The following ETNK1 variants were observed in gnomAD, a reference collection of about 807,000 sequenced individuals.
ETNK1 encodes ethanolamine kinase 1.
Under a neutral mutation model 45.1 loss-of-function variants are expected in ETNK1, and 8 were observed. That is an observed-to-expected ratio of 0.18 (90% CI 0.10 to 0.32). ETNK1 has a LOEUF of 0.32. ETNK1 is among the 10% of genes least tolerant of loss of function. ETNK1 has a pLI of 1.00. For missense variants in ETNK1, 302 were observed against 430.6 expected (o/e 0.70, Z 2.64); for synonymous variants, 152 against 151.9 (o/e 1.00, Z -0.01).
chr12:22,649,448 T>C (rs1459528265), intron 2 of ETNK1, among the ~76,000 whole-genome samples: 1 of 152,112 alleles, frequency 6.6e-6, no homozygotes, highest in Non-Finnish European at 1.5e-5. Flanking sequence ...GTCCAGTTGT[T>C]CAGCACAATT....
At chr12:22,656,672 G>C in intron 2 of ETNK1, 1 of 985,274 alleles carries the variant, frequency 1.0e-6, no homozygotes, top group Non-Finnish European at 1.2e-6. Context: ...GTTCCAGCAC[G>C]TGTGTCCCCT....
At chr12:22,631,529 A>C (rs1451059657) in intron 1 of ETNK1, among the ~76,000 whole-genome samples, 1 of 152,226 alleles carries the variant, frequency 6.6e-6, no homozygotes, top group Non-Finnish European at 1.5e-5. Flanking sequence ...GTCTATGTAC[A>C]TATTATATCA....
intron 4 of ETNK1, among the ~76,000 whole-genome samples, chr12:22,664,435 G>A (rs1267608583): frequency 1.3e-5 from 2 of 151,980 alleles, no homozygotes; most frequent in African/African-American, 4.8e-5. Flanking sequence ...GAATTAAAAT[G>A]TGTATGTATA....
intron 1 of ETNK1, 120 bp downstream of exon 1, chr12:22,625,706 T>A: frequency 7.1e-7 from 1 of 1,403,574 alleles, no homozygotes; most frequent in Non-Finnish European, 9.7e-7. Flanking sequence ...TCTCCTTAAG[T>A]CTATTGGGAA....
At chr12:22,662,177 C>T (rs765069657) in intron 4 of ETNK1, among the ~76,000 whole-genome samples, 97 of 149,548 alleles carry the variant, frequency 6.5e-4, no homozygotes, top group Non-Finnish European at 1.1e-3. Flanking sequence ...AAGTGATTCT[C>T]CTGCCTCAGC....
intron 2 of ETNK1, among the ~76,000 whole-genome samples, chr12:22,657,918 A>G (rs1223336685): frequency 2.0e-5 from 3 of 152,210 alleles, no homozygotes; most frequent in Non-Finnish European, 4.4e-5. Context: ...ACATAATAAT[A>G]AAAATGTGTT....
At chr12:22,639,547 G>C (rs1953706931) in intron 1 of ETNK1, among the ~76,000 whole-genome samples, 2 of 151,980 alleles carry the variant, frequency 1.3e-5, no homozygotes, top group Admixed American at 6.6e-5. Flanking sequence ...CATAGTGGCA[G>C]GCACCTGTAA....
intron 2 of ETNK1, among the ~76,000 whole-genome samples, chr12:22,658,131 G>A (rs1004980003): frequency 4.3e-5 from 6 of 138,910 alleles, no homozygotes; most frequent in Non-Finnish European, 5.9e-5. Flanking sequence ...ATGCTAACAA[G>A]AACTAGGTAG....
Position 22,626,043 on chromosome 12 carries a change from T to A in ETNK1, c.156+457T>A. The A allele has an allele frequency of 8.2e-6, 3 of 367,912 alleles. 1 individual carries two copies. Among genetic ancestry groups the A allele is most frequent in the South Asian group, 6.1e-5 (3 of 49,224 alleles). The allele number at this position is 367,912 out of a possible 1,614,324, so 22.8% of individuals were successfully genotyped here. On this transcript the variant is annotated intron_variant, in intron 1 of 7. Transcript: ENST00000266517. ...ATGTGCTTTCATTGATGCCTCACAC[T>A]GCGTTTTGTCTTCCCAAACCCTAGC... is the stretch of plus-strand genomic sequence containing the variant.
intron 1 of ETNK1, among the ~76,000 whole-genome samples, chr12:22,632,476 A>G (rs1466440533): frequency 1.3e-5 from 2 of 151,928 alleles, no homozygotes; most frequent in Non-Finnish European, 2.9e-5. Context: ...GTTAAACATA[A>G]TGTGACTTAG....
At chr12:22,648,922 A>G (rs147762846) in intron 2 of ETNK1, among the ~76,000 whole-genome samples, 1 of 152,016 alleles carries the variant, frequency 6.6e-6, no homozygotes, top group East Asian at 1.9e-4. Flanking sequence ...ATTCTAATAG[A>G]TATATAGTGG....
chr12:22,664,699 CT>C (rs1320178955), intron 4 of ETNK1, among the ~76,000 whole-genome samples: 1 of 152,012 alleles, frequency 6.6e-6, no homozygotes, highest in Non-Finnish European at 1.5e-5. Flanking sequence ...CATGTTGAGT[CT>C]TTTGAGATTA....
rs3983448 is a variant in ETNK1 at position 22,686,851 on chromosome 12, ATTTTTTTTTT to A, written c.*1916_*1925del. The A allele has an allele frequency of 3.2e-4, 22 of 69,268 alleles. No individual in the cohort carries two copies. The highest frequency in any genetic ancestry group is 7.6e-4 in the African/African-American group (13 of 17,098). The allele number at this position is 69,268 out of a possible 1,614,324, so 4.3% of individuals were successfully genotyped here. On this transcript the variant is annotated 3_prime_UTR_variant, in exon 8 of 8. Coordinates refer to ENST00000266517, the MANE Select transcript of ETNK1 (RefSeq NM_018638.5). ...AGATAAAGAATGTGTAATACTCTTA[ATTTTTTTTTT>A]TTTTTTTTTTTTTTTTTTGCTTTCT...
At chr12:22,642,271 T>G (rs1176015772) in intron 1 of ETNK1, among the ~76,000 whole-genome samples, 1 of 152,060 alleles carries the variant, frequency 6.6e-6, no homozygotes, top group Non-Finnish European at 1.5e-5. Flanking sequence ...CAGAACAGCA[T>G]GTGTGAATTG....
At chr12:22,657,289 T>C (rs1225499348) in intron 2 of ETNK1, among the ~76,000 whole-genome samples, 1 of 151,976 alleles carries the variant, frequency 6.6e-6, no homozygotes, top group African/African-American at 2.4e-5. Flanking sequence ...AAAGTACACA[T>C]ATATAAAAAG....
intron 4 of ETNK1, among the ~76,000 whole-genome samples, chr12:22,665,848 A>G (rs942462397): frequency 6.6e-6 from 1 of 152,140 alleles, no homozygotes; most frequent in South Asian, 2.1e-4. Context: ...GTAGGTAGTT[A>G]TAGGACTTAA....
chr12:22,689,195 GAAGACCT>G lies in ETNK1; in HGVS notation c.*4242_*4248del, dbSNP rs1324975104. 1 of 151,936 alleles carries G rather than the reference GAAGACCT, an allele frequency of 6.6e-6. No homozygotes were observed. Among genetic ancestry groups the G allele is most frequent in the African/African-American group, 2.4e-5 (1 of 41,440 alleles). 9.4% of individuals were successfully genotyped at this position (151,936 alleles called of 1,614,324 possible). On this transcript the variant is annotated 3_prime_UTR_variant, in exon 8 of 8. Transcript: ENST00000266517. ...TCTGGATTGCAGTTTGAAATGGAAT[GAAGACCT>G]GAATTATTTGGGTAGAAAAAATTAT...
At position 22,633,353 on chromosome 12, in the gene ETNK1, G is replaced by T. The variant is rs146196171; in HGVS notation, c.156+7767G>T. On this transcript the variant is annotated intron_variant, in intron 1 of 7. Transcript: ENST00000266517. ...CAAAGTGCTGGGATTACAGGCGCAA[G>T]CCACCGCACCCGGCCTGTTCTTTTC... Among the ~76,000 whole-genome samples the T allele has an allele frequency of 1.0e-3, 152 of 152,342 alleles. 3 individuals carry two copies. Among genetic ancestry groups the T allele is most frequent in the African/African-American group, 3.4e-3 (140 of 41,576 alleles).
intron 2 of ETNK1, among the ~76,000 whole-genome samples, chr12:22,646,601 T>C (rs1953809806): frequency 4.0e-5 from 6 of 151,844 alleles, no homozygotes; most frequent in Admixed American, 2.6e-4. Flanking sequence ...TAAGACACTA[T>C]TGATTGTTAG....
Sources: gnomAD v4.1 joint callset for allele counts (sites outside exome capture counted in the v4.1 genomes callset) on GRCh38, gnomAD v4.1.1 for gene constraint, MANE v1.5 for transcripts, NCBI Gene and HGNC (gene_info 2026-07-23, HGNC 2026-07-21) for gene names.